The following SCG5 variants were observed in gnomAD, a reference collection of about 807,000 sequenced individuals.
SCG5 encodes the protein neuroendocrine protein 7B2.
Under a neutral mutation model 25.7 loss-of-function variants are expected in SCG5, and 18 were observed. The ratio of observed to expected loss-of-function variants is 0.70; its 90% CI spans 0.48 to 1.04. SCG5 has a LOEUF of 1.04. Ranked by LOEUF, SCG5 falls within the 50% of genes least tolerant of loss-of-function variation. The pLI, the probability that SCG5 is intolerant of heterozygous loss-of-function variation, is 0.00. For synonymous variants in SCG5, 101 were observed against 91.7 expected, an observed-to-expected ratio of 1.10 and a Z score of -0.58; for missense variants, 206 against 259.8, an observed-to-expected ratio of 0.79 and a Z score of 1.42.
chr15:32,647,592 T>C (rs571431481), intron 2 of SCG5, among the ~76,000 whole-genome samples: 115 of 152,320 alleles, frequency 7.5e-4, no homozygotes, highest in Non-Finnish European at 1.2e-3. Context: ...CTTTCACAGC[T>C]GCCTTTCACA....
intron 2 of SCG5, among the ~76,000 whole-genome samples, chr15:32,657,192 TCCTC>T (rs2054131124): frequency 1.3e-5 from 1 of 77,720 alleles, no homozygotes; most frequent in Admixed American, 1.6e-4. Context: ...CTTTCTTTCA[TCCTC>T]CTGTATATAT....
In SCG5 at chr15:32,693,488, A is replaced by G. The variant is rs139806401; in HGVS notation, c.543+1725A>G. Among the ~76,000 whole-genome samples, 72 of 152,294 alleles carry G rather than the reference A, an allele frequency of 4.7e-4. No homozygotes were observed. In the East Asian group the frequency reaches 0.014, roughly 29 times the overall value. ...AAACCATGGGCCTCTCTGGATTGAT[A>G]AGGAAGCACGTTGGCCCTGCCCATC... On this transcript the variant is annotated intron_variant, in intron 5 of 5. Transcript: ENST00000300175.
intron 2 of SCG5, 61 bp downstream of exon 2, chr15:32,643,879 C>T: frequency 2.1e-6 from 3 of 1,412,546 alleles, no homozygotes; most frequent in South Asian, 2.4e-5. Context: ...TATATTTGCA[C>T]ACTTCTCACA....
chr15:32,671,987 G>A (rs1167351615), intron 2 of SCG5, among the ~76,000 whole-genome samples: 2 of 152,226 alleles, frequency 1.3e-5, no homozygotes, highest in African/African-American at 4.8e-5. Context: ...GAGTCTGAGG[G>A]GAAACCAAAG....
At chr15:32,643,161 T>C (rs958498194) in intron 1 of SCG5, among the ~76,000 whole-genome samples, 4 of 152,234 alleles carry the variant, frequency 2.6e-5, no homozygotes, top group Non-Finnish European at 5.9e-5. Context: ...CCTGTTAGAC[T>C]TTTATTCCCA....
chr15:32,669,917 T>G (rs1188586403), intron 2 of SCG5, among the ~76,000 whole-genome samples: 1 of 151,706 alleles, frequency 6.6e-6, no homozygotes, highest in East Asian at 1.9e-4. Flanking sequence ...CAAGCAATGC[T>G]TAAGCAAAAT....
At chr15:32,656,263 C>T (rs989719367) in intron 2 of SCG5, 12 of 152,144 alleles carry the variant, frequency 7.9e-5, no homozygotes, top group African/African-American at 1.9e-4. Flanking sequence ...CAAGCTGGGA[C>T]CTTGTTTCAC....
chr15:32,694,600 A>T (rs1376369958), intron 5 of SCG5, among the ~76,000 whole-genome samples: 6 of 152,264 alleles, frequency 3.9e-5, no homozygotes, highest in Non-Finnish European at 8.8e-5. Context: ...TTCTGATATG[A>T]TCCCCTGGGG....
chr15:32,680,915 T>C lies in SCG5; in HGVS notation c.376+1000T>C, dbSNP rs1459174649. Among the ~76,000 whole-genome samples the C allele has an allele frequency of 3.3e-5, 5 of 152,270 alleles. No individual in the cohort carries two copies. In the East Asian group the frequency reaches 9.7e-4, roughly 29 times the overall value. Reference sequence around the variant, plus strand: ...TGGCTCTAGACTCTGACTACCTGAGTTCAAACTCCAGGTCAACCTGTGTGA... The same window carrying C: ...TGGCTCTAGACTCTGACTACCTGAGCTCAAACTCCAGGTCAACCTGTGTGA... On this transcript the variant is annotated intron_variant, in intron 3 of 5. Transcript: ENST00000300175.
intron 2 of SCG5, among the ~76,000 whole-genome samples, chr15:32,648,903 C>T (rs1037425932): frequency 1.3e-5 from 2 of 152,110 alleles, no homozygotes; most frequent in East Asian, 3.9e-4. Context: ...TCCCCAGTAG[C>T]TGGGACTACA....
chr15:32,693,771 A>G (rs1335079282), intron 5 of SCG5, among the ~76,000 whole-genome samples: 1 of 152,180 alleles, frequency 6.6e-6, no homozygotes, highest in Non-Finnish European at 1.5e-5. Flanking sequence ...CCCAAGTGAG[A>G]GAAGACAAAT....
chr15:32,655,160 T>A (rs1169999902), intron 2 of SCG5, among the ~76,000 whole-genome samples: 2 of 152,016 alleles, frequency 1.3e-5, no homozygotes, highest in African/African-American at 4.8e-5. Context: ...TACAAAAAAT[T>A]AGCTGGACGT....
intron 2 of SCG5, among the ~76,000 whole-genome samples, chr15:32,650,461 A>C (rs768994569): frequency 1.3e-5 from 2 of 152,172 alleles, no homozygotes. Flanking sequence ...GCTTCAGTGC[A>C]CCATATATTT....
intron 4 of SCG5, among the ~76,000 whole-genome samples, chr15:32,690,802 CTTTG>C (rs1225219453): frequency 8.0e-5 from 12 of 150,098 alleles, no homozygotes; most frequent in Admixed American, 6.6e-5. Context: ...CTGTGGTTGT[CTTTG>C]TTTTTTTTTT....
chr15:32,671,863 C>G (rs2054431334), intron 2 of SCG5, among the ~76,000 whole-genome samples: 1 of 152,156 alleles, frequency 6.6e-6, no homozygotes, highest in South Asian at 2.1e-4. Flanking sequence ...CCACCCCGCC[C>G]CTTCCTCGCC....
At chr15:32,678,905 A>G (rs2054570135) in intron 2 of SCG5, among the ~76,000 whole-genome samples, 1 of 152,242 alleles carries the variant, frequency 6.6e-6, no homozygotes, top group Non-Finnish European at 1.5e-5. Context: ...AGAAATGAAT[A>G]TATACTTAGT....
chr15:32,686,741 C>A (rs1206039354), intron 4 of SCG5, among the ~76,000 whole-genome samples: 1 of 152,170 alleles, frequency 6.6e-6, no homozygotes, highest in African/African-American at 2.4e-5. Flanking sequence ...GTGTTCCAGG[C>A]ACTGTGCTAG....
intron 2 of SCG5, among the ~76,000 whole-genome samples, chr15:32,672,449 C>T (rs1310212320): frequency 6.6e-6 from 1 of 152,216 alleles, no homozygotes. Flanking sequence ...AAACCTCCAG[C>T]GTGAGGTGGG....
chr15:32,684,802 T>C (rs2054676129), intron 4 of SCG5, 133 bp downstream of exon 4: 2 of 641,036 alleles, frequency 3.1e-6, no homozygotes, highest in African/African-American at 3.7e-5. Flanking sequence ...AATCTCTGGT[T>C]GACAGAGCTT....
Sources: allele counts gnomAD v4.1 joint callset (sites outside exome capture counted in the v4.1 genomes callset), GRCh38; gene constraint gnomAD v4.1.1; transcripts MANE v1.5; gene names NCBI Gene and HGNC (gene_info 2026-07-23, HGNC 2026-07-21).